Variants in CFAP57 observed in about 807,000 individuals in gnomAD.
CFAP57 encodes cilia- and flagella-associated protein 57.
In CFAP57, 116 loss-of-function variants were observed where a neutral mutation model predicts 146.8. The observed-to-expected ratio is 0.79, with a 90% CI of 0.68 to 0.92. The LOEUF (loss-of-function observed/expected upper bound fraction) is 0.92, where lower values mean the gene tolerates loss of function less well. CFAP57 is among the 40% of genes least tolerant of loss of function. The pLI is 0.00. For synonymous variants in CFAP57, 518 were observed against 552.8 expected, an observed-to-expected ratio of 0.94 and a Z score of 0.88; for missense variants, 1,377 against 1,527.2, an observed-to-expected ratio of 0.90 and a Z score of 1.64.
intron 18 of CFAP57, among the ~76,000 whole-genome samples, chr1:43,231,718 A>AAAAAG (rs373943745): frequency 3.5e-5 from 5 of 144,268 alleles, no homozygotes; most frequent in Admixed American, 7.0e-5. Context: ...AAAAAAAAAA[A>AAAAAG]TTAGTTGGGC....
chr1:43,219,663 C>A, intron 13 of CFAP57, 126 bp downstream of exon 13: 1 of 1,212,286 alleles, frequency 8.2e-7, no homozygotes, highest in Non-Finnish European at 1.2e-6. Context: ...AATTTTAAAG[C>A]ATAGTCGTTG....
intron 13 of CFAP57, among the ~76,000 whole-genome samples, chr1:43,220,983 C>T (rs1444959257): frequency 6.6e-5 from 10 of 152,156 alleles, no homozygotes; most frequent in African/African-American, 2.4e-5. Context: ...CTTTCCTGCT[C>T]AGTTAAAGAA....
rs193048363 is a variant in CFAP57 at position 43,201,623 on chromosome 1, C to A, written c.1542+2120C>A. 1.3e-5 allele frequency among the ~76,000 whole-genome samples: 2 copies of A among 151,974 alleles called. No homozygotes were observed. Among genetic ancestry groups the A allele is most frequent in the Admixed American group, 1.3e-4 (2 of 15,268 alleles). On this transcript the variant is annotated intron_variant, in intron 9 of 22. Transcript: ENST00000372492. The surrounding 1 kb of genome is among the most constrained non-coding windows in gnomAD (Gnocchi z 4.4). ...GCCTCAGCCTCCCAAGTAACACAAA[C>A]TCTTTTTTTGAGACAGAGTTTCGCT...
chr1:43,223,964 A>T (rs1645146169), intron 16 of CFAP57, 82 bp from the exon 17 acceptor site: 1 of 1,473,208 alleles, frequency 6.8e-7, no homozygotes, highest in Non-Finnish European at 9.1e-7. Context: ...AGTGGTGGGG[A>T]GCCCCTTACA....
chr1:43,227,326 GCTTGGGAGTTAA>G (rs1416503415), intron 18 of CFAP57, among the ~76,000 whole-genome samples, 200 bp downstream of exon 18: 1 of 152,212 alleles, frequency 6.6e-6, no homozygotes, highest in Non-Finnish European at 1.5e-5. Context: ...AAAGCAAATC[GCTTGGGAGTTAA>G]CTTGCCACGG....
intron 22 of CFAP57, among the ~76,000 whole-genome samples, chr1:43,243,829 G>A (rs2124666287): frequency 6.6e-6 from 1 of 152,306 alleles, no homozygotes; most frequent in Middle Eastern, 3.4e-3. Flanking sequence ...AAAGCAAGAT[G>A]AGGAGCTATT....
intron 17 of CFAP57, among the ~76,000 whole-genome samples, chr1:43,225,208 T>C (rs1645199379): frequency 6.6e-6 from 1 of 152,130 alleles, no homozygotes; most frequent in Non-Finnish European, 1.5e-5. Context: ...TGGCCTCACT[T>C]CCCATCTCCC....
chr1:43,247,414 C>T (rs1292921966), intron 22 of CFAP57, among the ~76,000 whole-genome samples: 2 of 152,180 alleles, frequency 1.3e-5, no homozygotes, highest in Non-Finnish European at 2.9e-5. Context: ...AAGAAATTCA[C>T]CCTAGGTACA....
At chr1:43,252,517 T>C (rs945088534) in intron 22 of CFAP57, among the ~76,000 whole-genome samples, 2 of 152,018 alleles carry the variant, frequency 1.3e-5, no homozygotes, top group Non-Finnish European at 2.9e-5. Context: ...CTTTTAAATA[T>C]AGGCTTCAAA....
chr1:43,194,180 A>AT (rs61209749), intron 6 of CFAP57, among the ~76,000 whole-genome samples: 27,357 of 151,304 alleles, frequency 0.18, 3,576 homozygotes, highest in African/African-American at 0.35. Flanking sequence ...TTTTTTGGTA[A>AT]TTTTTTTTCA....
intron 5 of CFAP57, among the ~76,000 whole-genome samples, chr1:43,186,032 T>C (rs894727740): frequency 6.6e-6 from 1 of 150,676 alleles, no homozygotes; most frequent in African/African-American, 2.4e-5. Flanking sequence ...AAAGCCAAGA[T>C]CACACCACTG....
intron 2 of CFAP57, 92 bp from the exon 3 acceptor site, chr1:43,181,442 C>T: frequency 6.9e-7 from 1 of 1,450,756 alleles, no homozygotes; most frequent in Non-Finnish European, 9.5e-7. Flanking sequence ...CCACCACTGT[C>T]CACTCCAGTG....
chr1:43,216,563 C>T (rs936861895), intron 12 of CFAP57, among the ~76,000 whole-genome samples: 4 of 152,152 alleles, frequency 2.6e-5, no homozygotes, highest in African/African-American at 9.7e-5. Context: ...CTGACCACAG[C>T]CCCCAGATGG....
intron 18 of CFAP57, among the ~76,000 whole-genome samples, chr1:43,231,064 T>C (rs934437712): frequency 6.6e-5 from 10 of 152,242 alleles, no homozygotes; most frequent in African/African-American, 2.4e-4. Flanking sequence ...GCTCTTTTCG[T>C]GTCCCTCACT....
chr1:43,217,140 A>G (rs1368397468), intron 12 of CFAP57, among the ~76,000 whole-genome samples: 1 of 152,188 alleles, frequency 6.6e-6, no homozygotes, highest in African/African-American at 2.4e-5. Context: ...GGTGGTCTGC[A>G]AAGCTGCTCC....
chr1:43,222,999 TAGCAGGCTGTTCTCCA>T lies in CFAP57; in HGVS notation c.2706+5_2706+20del, dbSNP rs755691350. The T allele has an allele frequency of 1.3e-6, 2 of 1,546,772 alleles. No individual in the cohort carries two copies. The highest frequency in any genetic ancestry group is 2.4e-5 in the South Asian group (2 of 83,372). On this transcript the variant is annotated splice_donor_5th_base_variant and intron_variant, in intron 16 of 22. Coordinates refer to ENST00000372492, the MANE Select transcript of CFAP57 (RefSeq NM_001378189.1). ...GAAACAGGCATCATGAGGAAGAAGGTAGCAGGCTGTTCTCCAAGAGACCTAGGGTGGGCGAGGGTGT... is the reference window on the plus strand; with the variant it reads ...GAAACAGGCATCATGAGGAAGAAGGTAGAGACCTAGGGTGGGCGAGGGTGT...
chr1:43,196,515 T>C (rs1443673597), intron 6 of CFAP57: 2 of 152,982 alleles, frequency 1.3e-5, no homozygotes, highest in African/African-American at 4.8e-5. Context: ...GATACTAGCG[T>C]AGGATAGAGT....
chr1:43,233,674 C>T (rs563212385), intron 19 of CFAP57, among the ~76,000 whole-genome samples: 41 of 152,092 alleles, frequency 2.7e-4, no homozygotes, highest in East Asian at 3.9e-4. Flanking sequence ...AGGTAGAAAA[C>T]GATGGAACAT....
intron 22 of CFAP57, among the ~76,000 whole-genome samples, chr1:43,248,795 G>A (rs1646215104): frequency 6.6e-6 from 1 of 151,956 alleles, no homozygotes; most frequent in Non-Finnish European, 1.5e-5. Flanking sequence ...TAAAAAGCAA[G>A]AAATCCTGAA....
Sources: gnomAD v4.1 joint callset for allele counts (sites outside exome capture counted in the v4.1 genomes callset) on GRCh38, gnomAD v4.1.1 for gene constraint, Gnocchi (gnomAD v3.1) non-coding constraint, MANE v1.5 for transcripts, NCBI Gene and HGNC (gene_info 2026-07-23, HGNC 2026-07-21) for gene names.